RARA: variants seen among roughly 807,000 people sequenced by gnomAD.
The protein encoded by RARA is PML-DDX5-RARA fusion.
In RARA, 5 loss-of-function variants were observed where a neutral mutation model predicts 42.8. The observed-to-expected ratio is 0.12, with a 90% CI of 0.06 to 0.25. RARA has a LOEUF of 0.25. RARA is among the 10% of genes least tolerant of loss of function. The probability of loss-of-function intolerance (pLI) is 1.00; values close to 1 mark genes in which losing one functional copy is unlikely to be tolerated. For synonymous variants in RARA, 256 were observed against 259.5 expected (o/e 0.99, Z 0.13); for missense variants, 402 against 628.7 (o/e 0.64, Z 3.86).
intron 3 of RARA, 118 bp from the exon 4 acceptor site, chr17:40,349,666 T>A: frequency 7.5e-7 from 1 of 1,342,186 alleles, no homozygotes; most frequent in Admixed American, 2.0e-5. Context: ...AGGTAGGCGA[T>A]GGGCAAACGC....
intron 2 of RARA, among the ~76,000 whole-genome samples, chr17:40,336,509 C>G (rs375062838): frequency 1.3e-5 from 2 of 152,094 alleles, no homozygotes; most frequent in African/African-American, 4.8e-5. Flanking sequence ...CTCCTGTAGC[C>G]TCCCAAGTAG....
intron 1 of RARA, among the ~76,000 whole-genome samples, chr17:40,327,830 C>A (rs1410560245): frequency 6.6e-6 from 1 of 152,274 alleles, no homozygotes; most frequent in African/African-American, 2.4e-5. Context: ...TTGCATGGCT[C>A]CCCCAGCTCC....
chr17:40,328,754 C>CT (rs2033611781), intron 1 of RARA, among the ~76,000 whole-genome samples: 1 of 152,284 alleles, frequency 6.6e-6, no homozygotes, highest in Middle Eastern at 3.4e-3. Context: ...GTACTTCATT[C>CT]TTTTTTTGGC....
chr17:40,350,705 G>A (rs1378639018), intron 4 of RARA, among the ~76,000 whole-genome samples: 1 of 151,980 alleles, frequency 6.6e-6, no homozygotes, highest in Non-Finnish European at 1.5e-5. Flanking sequence ...GGGCAGTGGG[G>A]AGGGGGCACG....
At chr17:40,332,981 C>A (rs952970165) in intron 2 of RARA, among the ~76,000 whole-genome samples, 1 of 152,244 alleles carries the variant, frequency 6.6e-6, no homozygotes, top group Non-Finnish European at 1.5e-5. Flanking sequence ...CTGTGATTTA[C>A]ATTCTGGACT....
chr17:40,325,299 A>ATAAAT, intron 1 of RARA, among the ~76,000 whole-genome samples: 1 of 151,950 alleles, frequency 6.6e-6, no homozygotes, highest in Non-Finnish European at 1.5e-5. Context: ...AAATAAATAA[A>ATAAAT]AAGAGGCTGG....
intron 2 of RARA, chr17:40,341,826 G>A: frequency 1.8e-6 from 2 of 1,142,370 alleles, no homozygotes; most frequent in Non-Finnish European, 2.2e-6. Context: ...CCTGGGAGCC[G>A]GAACTGGTAC....
rs1285139497 is a variant in RARA at position 40,349,998 on chromosome 17, A to G, written c.469+73A>G. On this transcript the variant is annotated intron_variant, in intron 4 of 8. Coordinates refer to ENST00000254066, the MANE Select transcript of RARA (RefSeq NM_000964.4). ...AGATGCTCCTAAAGACCAAGGGAGC[A>G]GGGCTCTGTGGATGTTTGTGCACAT... 2.8e-5 allele frequency: 44 copies of G among 1,578,630 alleles called. No individual in the cohort carries two copies. In the East Asian group the frequency reaches 9.7e-4, roughly 35 times the overall value.
At chr17:40,335,987 C>T (rs1197310779) in intron 2 of RARA, among the ~76,000 whole-genome samples, 2 of 152,204 alleles carry the variant, frequency 1.3e-5, no homozygotes, top group Non-Finnish European at 2.9e-5. Context: ...TGGTGGGTGA[C>T]AGAGCAAGAC....
chr17:40,348,775 G>A lies in RARA; in HGVS notation c.327+311G>A, dbSNP rs375761257. The A allele has an allele frequency of 7.5e-5, 18 of 239,840 alleles. 1 individual carries two copies. Among genetic ancestry groups the A allele is most frequent in the African/African-American group, 3.2e-4 (14 of 44,366 alleles). 14.9% of individuals were successfully genotyped at this position (239,840 alleles called of 1,614,324 possible). On this transcript the variant is annotated intron_variant, in intron 3 of 8. Coordinates refer to ENST00000254066, the MANE Select transcript of RARA (RefSeq NM_000964.4). ...AGGTTGCCATGGTGAGCTGGCTGCC[G>A]ACTGGCTCTTGGCTGGGGACCCAGG...
rs1398324409 is a variant in RARA, at chr17:40,351,625, C to T, written c.470-285C>T. 1.6e-5 allele frequency: 8 copies of T among 502,672 alleles called. No homozygotes were observed. The highest frequency in any genetic ancestry group is 3.0e-5 in the Non-Finnish European group (8 of 269,412). The allele number at this position is 502,672 out of a possible 1,614,324, so 31.1% of individuals were successfully genotyped here. On this transcript the variant is annotated intron_variant, in intron 4 of 8. Coordinates refer to ENST00000254066, the MANE Select transcript of RARA (RefSeq NM_000964.4). This position sits in a 1 kb window ranked among gnomAD's most constrained non-coding sequence, Gnocchi z 4.1. ...CCTGGAGTGTGAGCTGGAGTAGACGCGTGGGGGATAGCATGCGGCTGGCTA... is the reference window on the plus strand; with the variant it reads ...CCTGGAGTGTGAGCTGGAGTAGACGTGTGGGGGATAGCATGCGGCTGGCTA...
intron 1 of RARA, among the ~76,000 whole-genome samples, chr17:40,325,764 A>G (rs1393039692): frequency 6.6e-6 from 1 of 152,078 alleles, no homozygotes; most frequent in Non-Finnish European, 1.5e-5. Context: ...TAAGCTCCCC[A>G]ATACTTTTCC....
At chr17:40,341,804 A>C in intron 2 of RARA, 1 of 1,213,260 alleles carries the variant, frequency 8.2e-7, no homozygotes, top group South Asian at 2.8e-5. Context: ...GACTGACCAA[A>C]CCTTGGGGGA....
At chr17:40,312,540 G>A (rs942075195) in intron 1 of RARA, among the ~76,000 whole-genome samples, 1 of 152,246 alleles carries the variant, frequency 6.6e-6, no homozygotes, top group Non-Finnish European at 1.5e-5. Context: ...AGAAAAGCAC[G>A]GGGCAGGCAG....
rs888072159 is a variant in RARA, at chr17:40,341,983, T to C, written c.179-6333T>C. ...TCTCCTCTCCTCCCCCTTCCCAGGC[T>C]GCCCCCACTTGCCTGTCCACATGCC... On this transcript the variant is annotated intron_variant, in intron 2 of 8. Transcript: ENST00000254066. The C allele has an allele frequency of 1.1e-4, 121 of 1,106,600 alleles. 1 individual carries two copies. In the Middle Eastern group the frequency reaches 1.9e-3, roughly 17 times the overall value. The allele number at this position is 1,106,600 out of a possible 1,614,324, so 68.5% of individuals were successfully genotyped here. A position where few individuals can be genotyped will look rare whatever the true frequency, so the allele number is the denominator to read the frequency against.
chr17:40,318,629 CTG>C (rs2033272380), intron 1 of RARA, among the ~76,000 whole-genome samples: 1 of 152,248 alleles, frequency 6.6e-6, no homozygotes, highest in Admixed American at 6.5e-5. Context: ...GGAGCCCCGT[CTG>C]TGAGTCTGCC....
Position 40,331,304 on chromosome 17 carries a change from C to A in RARA, c.86C>A (p.Pro29His), listed in dbSNP as rs1297897531. 1.9e-6 allele frequency: 3 copies of A among 1,614,140 alleles called. No individual in the cohort carries two copies. The highest frequency in any genetic ancestry group is 1.7e-6 in the Non-Finnish European group (2 of 1,179,992). The change falls in exon 2 of 9, where the codon CCC (proline) becomes CAC (histidine). Residue 29 changes from proline (P) to histidine (H), a missense_variant. Pro to His is a moderately conservative substitution (Grantham distance 77). This residue lies in a region of RARA where 91 missense variants were observed against 105.2 expected (regional missense o/e 0.87). Coordinates refer to ENST00000254066, the MANE Select transcript of RARA (RefSeq NM_000964.4). ...GTGCCTCCCTACGCCTTCTTCTTCCCCCCTATGCTGGGTGGACTCTCCCCG... is the reference window on the plus strand; with the variant it reads ...GTGCCTCCCTACGCCTTCTTCTTCCACCCTATGCTGGGTGGACTCTCCCCG... ...YPVPPYAFFFPPMLGGLSPPG... is the reference protein window; with the variant it reads ...YPVPPYAFFFHPMLGGLSPPG...
Position 40,351,074 on chromosome 17 carries a change from A to T in RARA, c.470-836A>T, listed in dbSNP as rs1008940384. Reference sequence around the variant, plus strand: ...ATTTCAATAGAATTAAAGCTTCCGAATGATAAACGTCTTGTCACAGCTGCA... The same window carrying T: ...ATTTCAATAGAATTAAAGCTTCCGATTGATAAACGTCTTGTCACAGCTGCA... On this transcript the variant is annotated intron_variant, in intron 4 of 8. Coordinates refer to ENST00000254066, the MANE Select transcript of RARA (RefSeq NM_000964.4). This position sits in a 1 kb window ranked among gnomAD's most constrained non-coding sequence, Gnocchi z 4.1. 4.6e-5 allele frequency among the ~76,000 whole-genome samples: 7 copies of T among 151,982 alleles called. No individual in the cohort carries two copies. The highest frequency in any genetic ancestry group is 8.8e-5 in the Non-Finnish European group (6 of 67,954).
intron 2 of RARA, among the ~76,000 whole-genome samples, chr17:40,332,658 C>T (rs1397902110): frequency 6.6e-6 from 1 of 152,252 alleles, no homozygotes; most frequent in Non-Finnish European, 1.5e-5. Context: ...CCAGGCTCCA[C>T]CAGCCACCAG....
Sources: gnomAD v4.1 joint callset for allele counts (sites outside exome capture counted in the v4.1 genomes callset) on GRCh38, gnomAD v4.1.1 for gene constraint, gnomAD v4.1.1 regional missense constraint, Gnocchi (gnomAD v3.1) non-coding constraint, MANE v1.5 for transcripts, NCBI Gene and HGNC (gene_info 2026-07-23, HGNC 2026-07-21) for gene names.